The following ZNF718 variants were observed in gnomAD, a reference collection of about 807,000 sequenced individuals.
ZNF718 encodes the protein zinc finger protein 718.
In ZNF718, 3 loss-of-function variants were observed where a neutral mutation model predicts 2.6. That is an observed-to-expected ratio of 1.16 (90% CI 0.53 to 3.01). ZNF718 has a LOEUF of 3.01. Ranked by LOEUF, ZNF718 falls within the 30% of genes most tolerant of loss-of-function variation. ZNF718 has a pLI of 0.03. For synonymous variants in ZNF718, 135 were observed against 77.9 expected (o/e 1.73, Z -3.86); for missense variants, 468 against 230.0 (o/e 2.03, Z -6.69).
intron 3 of ZNF718, among the ~76,000 whole-genome samples, chr4:173,915 G>A (rs73213573): frequency 0.22 from 33,015 of 152,110 alleles, 3,974 homozygotes; most frequent in Non-Finnish European, 0.28. Flanking sequence ...AATAGCCATT[G>A]ATGCTCGCAT....
intron 3 of ZNF718, among the ~76,000 whole-genome samples, chr4:192,475 C>T (rs1478680907): frequency 2.0e-5 from 3 of 152,136 alleles, no homozygotes; most frequent in African/African-American, 7.2e-5. Flanking sequence ...AAGGTGGGTG[C>T]GGTCACCTTC....
At chr4:131,610 C>A in intron 3 of ZNF718, 105 bp downstream of exon 3, 1 of 226,318 alleles carries the variant, frequency 4.4e-6, no homozygotes, top group Admixed American at 7.8e-5. Context: ...CCGTGGCTCA[C>A]GCCTGTAATC....
intron 3 of ZNF718, among the ~76,000 whole-genome samples, chr4:182,774 A>G (rs1361820742): frequency 1.3e-5 from 2 of 151,958 alleles, no homozygotes; most frequent in Non-Finnish European, 2.9e-5. Flanking sequence ...TTTTTTTCAT[A>G]TGTTGGTTGG....
rs1348902543 is a variant in ZNF718, at chr4:159,098, G to A, written c.227-1814G>A. On this transcript the variant is annotated intron_variant, in intron 3 of 3. Transcript: ENST00000510175. ...GTCGCCCAGGCTAGAGTGCAGTGGC[G>A]CGATCTTGGCTCACTGCAACCTCTG... 4.7e-5 allele frequency among the ~76,000 whole-genome samples: 7 copies of A among 149,490 alleles called. No individual in the cohort carries two copies. The South Asian group carries it at 6.3e-4, about 14-fold the overall frequency.
chr4:125,429 G>A (rs1378067754), intron 1 of ZNF718: 1 of 152,490 alleles, frequency 6.6e-6, no homozygotes, highest in Non-Finnish European at 1.5e-5. Context: ...TGCGGGAAGA[G>A]TGCTGAGCTT....
At chr4:137,892 A>G (rs1715643342) in intron 3 of ZNF718, among the ~76,000 whole-genome samples, 7 of 152,224 alleles carry the variant, frequency 4.6e-5, no homozygotes, top group Admixed American at 3.9e-4. Flanking sequence ...GCCAAGACCA[A>G]TGTCATAATC....
intron 3 of ZNF718, among the ~76,000 whole-genome samples, chr4:140,555 T>G (rs1457410582): frequency 6.6e-6 from 1 of 152,142 alleles, no homozygotes; most frequent in Non-Finnish European, 1.5e-5. Flanking sequence ...GCTCTTTGGA[T>G]TCTGGGGAGG....
intron 3 of ZNF718, among the ~76,000 whole-genome samples, chr4:158,400 A>C (rs942679349): frequency 4.0e-5 from 6 of 151,880 alleles, no homozygotes; most frequent in African/African-American, 1.4e-4. Flanking sequence ...AAGGCTTACT[A>C]ATATTATTTT....
rs147098157 is a variant in ZNF718, at chr4:192,033, T to C, written c.227-9048T>C. On this transcript the variant is annotated intron_variant and NMD_transcript_variant, in intron 3 of 4. Transcript: ENST00000642529. Reference sequence around the variant, plus strand: ...CAGGCACTTAGCCACACAGGAACAATGGTGAGCCTCTAGCACAGTCAGGAG... The same window carrying C: ...CAGGCACTTAGCCACACAGGAACAACGGTGAGCCTCTAGCACAGTCAGGAG... 1.9e-3 allele frequency among the ~76,000 whole-genome samples: 289 copies of C among 152,240 alleles called. 1 individual carries two copies. Among genetic ancestry groups the C allele is most frequent in the Middle Eastern group, 6.8e-3 (2 of 294 alleles).
chr4:161,747 T>TA lies in ZNF718; in HGVS notation c.1063dup (p.Thr355AsnfsTer4), dbSNP rs1354239052. 2 of 779,696 alleles carry TA rather than the reference T, an allele frequency of 2.6e-6. No individual in the cohort carries two copies. Among genetic ancestry groups the TA allele is most frequent in the African/African-American group, 1.7e-5 (1 of 58,982 alleles). 48.3% of individuals were successfully genotyped at this position (779,696 alleles called of 1,614,324 possible). ...AATCCTTTAATAGGTCCACAACTCT[T>TA]ACGACACATAAGAGAATCCATACTG... On this transcript the variant is annotated frameshift_variant, in exon 4 of 4. Coordinates refer to ENST00000510175, the MANE Select transcript of ZNF718 (RefSeq NM_001039127.6). LOFTEE classifies it low-confidence loss of function (END_TRUNC).
intron 1 of ZNF718, 135 bp downstream of exon 1, chr4:124,808 C>G: frequency 8.1e-7 from 1 of 1,230,646 alleles, no homozygotes; most frequent in East Asian, 2.5e-5. Flanking sequence ...GGTGAGGGAC[C>G]CGCGCTCTTG....
At chr4:190,120 A>G (rs1348193787) in intron 3 of ZNF718, among the ~76,000 whole-genome samples, 4 of 152,128 alleles carry the variant, frequency 2.6e-5, no homozygotes, top group African/African-American at 9.7e-5. Context: ...CCTGGCTAAT[A>G]GATAAACAGA....
chr4:129,625 A>G (rs1282705257), intron 1 of ZNF718, among the ~76,000 whole-genome samples: 3,582 of 104,276 alleles, frequency 0.034, 1,166 homozygotes, highest in African/African-American at 0.11. Flanking sequence ...CTATCCAGCA[A>G]CCTGTTCCCC....
intron 3 of ZNF718, among the ~76,000 whole-genome samples, chr4:148,148 G>A (rs1162604289): frequency 1.3e-5 from 2 of 152,174 alleles, no homozygotes; most frequent in African/African-American, 4.8e-5. Context: ...CCAGACTCTA[G>A]CGGACAGGGA....
Position 132,790 on chromosome 4 carries a change from T to G in ZNF718, c.226+1285T>G, listed in dbSNP as rs1386017613. On this transcript the variant is annotated intron_variant, in intron 3 of 3. Coordinates refer to ENST00000510175, the MANE Select transcript of ZNF718 (RefSeq NM_001039127.6). Reference sequence around the variant, plus strand: ...ACTGAGATTTGTAATTTAAACTCTATTTTTGCAAGTTTTCAAATTATTTAA... The same window carrying G: ...ACTGAGATTTGTAATTTAAACTCTAGTTTTGCAAGTTTTCAAATTATTTAA... Among the ~76,000 whole-genome samples, 7 of 104,290 alleles carry G rather than the reference T, an allele frequency of 6.7e-5. 2 individuals are homozygous for G. Among genetic ancestry groups the G allele is most frequent in the Admixed American group, 2.1e-4 (2 of 9,654 alleles). 68.4% of individuals were successfully genotyped at this position (104,290 alleles called of 152,430 possible). A position where few individuals can be genotyped will look rare whatever the true frequency, so the allele number is the denominator to read the frequency against.
chr4:165,351 A>T (rs1553816580), downstream of ZNF718, among the ~76,000 whole-genome samples: 2 of 152,206 alleles, frequency 1.3e-5, no homozygotes, highest in East Asian at 1.9e-4. Context: ...TTTTCTCTGT[A>T]AAAGAAAAAT....
At chr4:154,330 A>G (rs1302607727) in intron 3 of ZNF718, among the ~76,000 whole-genome samples, 2 of 152,156 alleles carry the variant, frequency 1.3e-5, no homozygotes, top group African/African-American at 4.8e-5. Flanking sequence ...GAAAATGTGG[A>G]AGTGACTCTG....
Position 131,081 on chromosome 4 carries a change from A to G in ZNF718, c.130+167A>G, listed in dbSNP as rs1280935722. ...AAAAATAAAATCTTTAGGATGTTTC[A>G]TCTTTACATAAACCTTCTTTTGAGC... On this transcript the variant is annotated intron_variant, in intron 2 of 3. Coordinates refer to ENST00000510175, the MANE Select transcript of ZNF718 (RefSeq NM_001039127.6). 9.6e-5 allele frequency among the ~76,000 whole-genome samples: 10 copies of G among 104,610 alleles called. 3 individuals carry two copies. The highest frequency in any genetic ancestry group is 3.0e-4 in the African/African-American group (9 of 30,308). 68.6% of individuals were successfully genotyped at this position (104,610 alleles called of 152,430 possible). A position where few individuals can be genotyped will look rare whatever the true frequency, so the allele number is the denominator to read the frequency against.
chr4:137,348 A>G (rs1715615911), intron 3 of ZNF718, among the ~76,000 whole-genome samples: 1 of 152,200 alleles, frequency 6.6e-6, no homozygotes, highest in Non-Finnish European at 1.5e-5. Context: ...TCTGTCAGAT[A>G]TACTTTGCAT....
Sources: allele counts gnomAD v4.1 joint callset (sites outside exome capture counted in the v4.1 genomes callset), GRCh38; gene constraint gnomAD v4.1.1; transcripts MANE v1.5; gene names NCBI Gene and HGNC (gene_info 2026-07-23, HGNC 2026-07-21).